RP1: variants seen among roughly 807,000 people sequenced by gnomAD.
RP1 encodes RP1 axonemal microtubule associated.
Under a neutral mutation model 14.8 loss-of-function variants are expected in RP1, and 16 were observed. The ratio of observed to expected loss-of-function variants is 1.08; its 90% CI spans 0.73 to 1.65. RP1 has a LOEUF of 1.65. Ranked by LOEUF, RP1 falls within the 40% of genes most tolerant of loss-of-function variation. The pLI, the probability that RP1 is intolerant of heterozygous loss-of-function variation, is 0.00. For synonymous variants in RP1, 876 were observed against 883.6 expected (o/e 0.99, Z 0.15); for missense variants, 2,631 against 2,535.0 (o/e 1.04, Z -0.81).
At chr8:54,631,304 C>CT (rs1806242176), downstream of RP1, among the ~76,000 whole-genome samples, 2 of 152,014 alleles carry the variant, frequency 1.3e-5, no homozygotes, top group African/African-American at 4.8e-5. Flanking sequence ...TTAAGTGATG[C>CT]TTTCTTTTAG....
In RP1 at chr8:54,621,220, C is replaced by G. The variant is rs150977757; in HGVS notation, c.254C>G (p.Thr85Ser). ...PLPFGVRNIS[T>S]PRGRHSITRL... ...CCTTTTGGAGTGAGGAACATCAGCACCCCTCGGGGCAGGCACAGCATCACG... is the reference window on the plus strand; with the variant it reads ...CCTTTTGGAGTGAGGAACATCAGCAGCCCTCGGGGCAGGCACAGCATCACG... Residue 85 changes from threonine to serine, a missense_variant, in exon 2 of 4, where the codon ACC (threonine) becomes AGC (serine). Thr to Ser is a moderately conservative substitution (Grantham distance 58, BLOSUM62 1). Transcript: ENST00000220676. 1 of 1,614,042 alleles carries G rather than the reference C, an allele frequency of 6.2e-7. No homozygotes were observed. The highest frequency in any genetic ancestry group is 1.3e-5 in the African/African-American group (1 of 74,910).
intron 5 of RP1, among the ~76,000 whole-genome samples, chr8:54,653,787 T>C (rs954555653): frequency 2.0e-5 from 3 of 152,214 alleles, no homozygotes; most frequent in African/African-American, 4.8e-5. Context: ...TTTTATGCTA[T>C]ATAGAGCTTT....
chr8:54,592,940 A>G (rs1805072283), intron 1 of RP1, among the ~76,000 whole-genome samples: 2 of 152,174 alleles, frequency 1.3e-5, no homozygotes, highest in South Asian at 2.1e-4. Flanking sequence ...TCTTTTGTCA[A>G]GAAAGGGGTC....
chr8:54,641,038 G>A (rs760544918), intron 3 of RP1, among the ~76,000 whole-genome samples: 30 of 146,638 alleles, frequency 2.0e-4, no homozygotes, highest in African/African-American at 6.6e-4. Context: ...TCCTCCTCCC[G>A]GGTTCACACC....
intron 25 of RP1, among the ~76,000 whole-genome samples, chr8:54,847,242 C>T (rs1811945241): frequency 6.6e-6 from 1 of 152,112 alleles, no homozygotes; most frequent in African/African-American, 2.4e-5. Context: ...AATGAATAGT[C>T]ACATTTTTCA....
At chr8:54,730,935 G>A (rs1466950829) in intron 17 of RP1, among the ~76,000 whole-genome samples, 1 of 152,038 alleles carries the variant, frequency 6.6e-6, no homozygotes. Flanking sequence ...TGAAATTAGG[G>A]TTTAAATATC....
chr8:54,821,727 T>C (rs1306453127), intron 24 of RP1, among the ~76,000 whole-genome samples: 3 of 152,194 alleles, frequency 2.0e-5, no homozygotes, highest in Non-Finnish European at 2.9e-5. Context: ...TTTCTAATTG[T>C]CACCGCTAAG....
chr8:54,668,187 T>C (rs1398609943), intron 7 of RP1, among the ~76,000 whole-genome samples: 2 of 151,784 alleles, frequency 1.3e-5, no homozygotes, highest in Admixed American at 6.6e-5. Flanking sequence ...GTTCAACATA[T>C]GCAGATCAAT....
intron 16 of RP1, among the ~76,000 whole-genome samples, chr8:54,724,046 A>T (rs560649834): frequency 6.6e-6 from 1 of 152,294 alleles, no homozygotes; most frequent in East Asian, 1.9e-4. Flanking sequence ...AATTTCTTTC[A>T]GGTTCAAGTC....
intron 22 of RP1, among the ~76,000 whole-genome samples, chr8:54,766,952 G>C (rs572968574): frequency 2.0e-5 from 3 of 152,200 alleles, no homozygotes; most frequent in East Asian, 3.9e-4. Context: ...AAGCCACACT[G>C]CTCCAATTCT....
Position 54,656,242 on chromosome 8 carries a change from A to T in RP1, c.1171+27A>T, listed in dbSNP as rs1260573615. ...TAGGAAAGATTCAACTCCAGGTAGC[A>T]TGGATAAAACTTGTTTGCCTAAATG... On this transcript the variant is annotated intron_variant, in intron 6 of 22. Coordinates refer to the RP1 transcript ENST00000636932. 1.3e-6 allele frequency: 2 copies of T among 1,525,750 alleles called. 1 individual carries two copies. The highest frequency in any genetic ancestry group is 4.1e-5 in the Admixed American group (2 of 48,712). 94.5% of individuals were successfully genotyped at this position (1,525,750 alleles called of 1,614,324 possible).
rs1805373269 is a variant in RP1 at position 54,604,354 on chromosome 8, A to G, written c.-12-16601A>G. 2.0e-5 allele frequency among the ~76,000 whole-genome samples: 3 copies of G among 152,134 alleles called. No individual in the cohort carries two copies. The South Asian group carries it at 6.2e-4, about 32-fold the overall frequency. On this transcript the variant is annotated intron_variant, in intron 1 of 22. Coordinates refer to the RP1 transcript ENST00000636932. The stretch of plus-strand genomic sequence containing the variant: ...CTGGATTACGTTTATTGATTTGTGT[A>G]TGTTGAACCAGCCTTGCATCCCAGG...
chr8:54,650,578 A>T (rs1806635716), intron 4 of RP1, among the ~76,000 whole-genome samples: 1 of 151,594 alleles, frequency 6.6e-6, no homozygotes, highest in Non-Finnish European at 1.5e-5. Context: ...TTATGCAGTC[A>T]CTCCCTGTTG....
intron 23 of RP1, among the ~76,000 whole-genome samples, chr8:54,776,153 GTGCATAGGTTATA>G (rs1810033819): frequency 6.6e-6 from 1 of 152,200 alleles, no homozygotes; most frequent in Non-Finnish European, 1.5e-5. Context: ...ATGGGAGGAT[GTGCATAGGTTATA>G]TGCAAATATT....
intron 25 of RP1, among the ~76,000 whole-genome samples, chr8:54,841,330 T>C (rs1811784518): frequency 6.6e-6 from 1 of 152,246 alleles, no homozygotes; most frequent in Non-Finnish European, 1.5e-5. Flanking sequence ...TTTTAAATTA[T>C]GAAGCTATTA....
rs1038649941 is a variant in RP1 at position 54,628,538 on chromosome 8, C to T, written c.4656C>T (p.Thr1552=). The change falls in exon 4 of 4, where the codon ACC becomes ACT. Residue 1552 remains threonine (T), a synonymous_variant. Transcript: ENST00000220676. ...CTAAGCAAAATAGTGAAAAGGAGAC[C>T]AATGAAGGAGAAACTAAGATGGTAA... The part of the protein sequence containing the change: ...YDSKQNSEKE[T]NEGETKMVKM... 6.2e-7 allele frequency: 1 copy of T among 1,613,786 alleles called. No homozygotes were observed. Among genetic ancestry groups the T allele is most frequent in the Non-Finnish European group, 8.5e-7 (1 of 1,179,898 alleles).
intron 16 of RP1, chr8:54,726,218 A>T (rs182831390): frequency 3.2e-4 from 348 of 1,072,468 alleles, no homozygotes; most frequent in Non-Finnish European, 4.2e-4. Context: ...GAGTAAAGAG[A>T]TTTGACTAGG....
chr8:54,798,582 A>C (rs1044953289), intron 24 of RP1, among the ~76,000 whole-genome samples: 2 of 152,210 alleles, frequency 1.3e-5, no homozygotes, highest in African/African-American at 2.4e-5. Context: ...CTTATAGTTC[A>C]AGTAACTTTC....
intron 24 of RP1, among the ~76,000 whole-genome samples, chr8:54,835,910 C>T (rs1223369789): frequency 6.6e-6 from 1 of 152,142 alleles, no homozygotes; most frequent in African/African-American, 2.4e-5. Context: ...CTGTACTTAT[C>T]TGAACTAAGC....
Sources: allele counts gnomAD v4.1 joint callset (sites outside exome capture counted in the v4.1 genomes callset), GRCh38; gene constraint gnomAD v4.1.1; transcripts MANE v1.5; gene names NCBI Gene and HGNC (gene_info 2026-07-23, HGNC 2026-07-21).